The following BMP6 variants were observed in gnomAD, a reference collection of about 807,000 sequenced individuals.
BMP6 encodes the protein bone morphogenetic protein 6, also known as VG-1-R.
In BMP6, 17 loss-of-function variants were observed where a neutral mutation model predicts 54.1. The observed-to-expected ratio is 0.31, with a 90% CI of 0.22 to 0.47. The LOEUF is 0.47. BMP6 is among the 20% of genes least tolerant of loss of function. The probability of loss-of-function intolerance (pLI) is 1.00; values close to 1 mark genes in which losing one functional copy is unlikely to be tolerated. For missense variants in BMP6, 720 were observed against 690.4 expected, an observed-to-expected ratio of 1.04 and a Z score of -0.48; for synonymous variants, 328 against 291.2, an observed-to-expected ratio of 1.13 and a Z score of -1.28.
chr6:7,881,501 GAAGGA>G lies in BMP6; in HGVS notation c.*1162_*1166del, dbSNP rs922606774. On this transcript the variant is annotated 3_prime_UTR_variant, in exon 7 of 7. Transcript: ENST00000283147. The stretch of plus-strand genomic sequence containing the variant: ...TTTATATCTGTTTTGCTGTAACATT[GAAGGA>G]AAGACCAGACTTTTAAAAAAAAAGA... The G allele has an allele frequency of 8.5e-5, 13 of 152,192 alleles. No homozygotes were observed. The highest frequency in any genetic ancestry group is 4.2e-4 in the South Asian group (2 of 4,800). 9.4% of individuals were successfully genotyped at this position (152,192 alleles called of 1,614,324 possible).
At chr6:7,736,116 ATCTTTCTTTTT>A (rs2113109831) in intron 1 of BMP6, among the ~76,000 whole-genome samples, 1 of 152,346 alleles carries the variant, frequency 6.6e-6, no homozygotes, top group African/African-American at 2.4e-5. Flanking sequence ...TCCATCAGAA[ATCTTTCTTTTT>A]TCTTTCTTTG....
chr6:7,837,501 G>A (rs1244257209), intron 1 of BMP6, among the ~76,000 whole-genome samples: 1 of 152,194 alleles, frequency 6.6e-6, no homozygotes, highest in Non-Finnish European at 1.5e-5. Flanking sequence ...CTGCAACCTG[G>A]ATGGGGTTGG....
rs1759730123 is a variant in BMP6, at chr6:7,881,451, ATATAAAC to A, written c.*1114_*1120del. 1 of 152,662 alleles carries A rather than the reference ATATAAAC, an allele frequency of 6.6e-6. No homozygotes were observed. The highest frequency in any genetic ancestry group is 2.4e-5 in the African/African-American group (1 of 41,466). The allele number at this position is 152,662 out of a possible 1,614,324, so 9.5% of individuals were successfully genotyped here. On this transcript the variant is annotated 3_prime_UTR_variant, in exon 7 of 7. Coordinates refer to ENST00000283147, the MANE Select transcript of BMP6 (RefSeq NM_001718.6). ...TTTGCACTTACAGCTTTTTTTGTAA[ATATAAAC>A]TATAATTTATTGTCTATTTTATATC...
intron 1 of BMP6, among the ~76,000 whole-genome samples, chr6:7,766,032 A>G (rs1334706674): frequency 1.3e-5 from 2 of 152,170 alleles, no homozygotes; most frequent in African/African-American, 4.8e-5. Context: ...TTCCTGGAAG[A>G]TATTCACAGC....
At position 7,879,075 on chromosome 6, in the gene BMP6, T is replaced by C. The variant is rs774591705; in HGVS notation, c.1206T>C (p.Asp402=). 4 of 1,613,908 alleles carry C rather than the reference T, an allele frequency of 2.5e-6. No homozygotes were observed. Among genetic ancestry groups the C allele is most frequent in the Non-Finnish European group, 2.5e-6 (3 of 1,179,768 alleles). ...QDVARVSSAS[D]YNSSELKTAC... ...GCATCTTTTGATCTCCTCCAACAGA[T>C]TACAACAGCAGTGAATTGAAAACAG... Residue 402 remains aspartate, a splice_region_variant and synonymous_variant, in exon 5 of 7, where the codon GAT becomes GAC. Transcript: ENST00000283147.
intron 1 of BMP6, among the ~76,000 whole-genome samples, chr6:7,760,960 C>T (rs973986373): frequency 3.3e-5 from 5 of 152,214 alleles, no homozygotes; most frequent in South Asian, 2.1e-4. Flanking sequence ...TAAGCCATTA[C>T]GGACATTGTT....
At chr6:7,763,469 C>T (rs1391824467) in intron 1 of BMP6, among the ~76,000 whole-genome samples, 14 of 152,218 alleles carry the variant, frequency 9.2e-5, no homozygotes, top group African/African-American at 2.9e-4. Context: ...AACATCCCAT[C>T]GCCTTTTATG....
At chr6:7,731,876 C>T (rs967393928) in intron 1 of BMP6, among the ~76,000 whole-genome samples, 1 of 152,112 alleles carries the variant, frequency 6.6e-6, no homozygotes, top group Non-Finnish European at 1.5e-5. Flanking sequence ...TTTCAGATTT[C>T]ACTTGTTTAT....
At chr6:7,802,362 G>T (rs189707942) in intron 1 of BMP6, among the ~76,000 whole-genome samples, 18 of 152,308 alleles carry the variant, frequency 1.2e-4, no homozygotes, top group Middle Eastern at 6.8e-3. Context: ...TAATGAAACA[G>T]GTATGATCCC....
chr6:7,845,095 A>C (rs763891048), intron 1 of BMP6, 45 bp from the exon 2 acceptor site: 2 of 1,535,596 alleles, frequency 1.3e-6, no homozygotes, highest in Non-Finnish European at 1.8e-6. Flanking sequence ...CGTGGCACTT[A>C]GTCAAGTAAC....
At chr6:7,782,708 A>G (rs143937031) in intron 1 of BMP6, among the ~76,000 whole-genome samples, 59 of 152,292 alleles carry the variant, frequency 3.9e-4, no homozygotes, top group African/African-American at 1.3e-3. Context: ...ATCTCAAAAA[A>G]AGAAAAAAGA....
intron 1 of BMP6, among the ~76,000 whole-genome samples, chr6:7,742,932 A>G (rs1757291442): frequency 6.6e-6 from 1 of 152,104 alleles, no homozygotes; most frequent in African/African-American, 2.4e-5. Flanking sequence ...ATCCCACTTA[A>G]ATTTTGCACT....
chr6:7,826,071 C>T (rs1412824527), intron 1 of BMP6, among the ~76,000 whole-genome samples: 1 of 152,216 alleles, frequency 6.6e-6, no homozygotes, highest in Non-Finnish European at 1.5e-5. Context: ...GCTCCGGGTA[C>T]CCTGTGAGTT....
intron 1 of BMP6, among the ~76,000 whole-genome samples, chr6:7,770,875 C>T (rs1029708596): frequency 2.0e-5 from 3 of 152,188 alleles, no homozygotes; most frequent in Non-Finnish European, 2.9e-5. Flanking sequence ...GCCCAGGCCT[C>T]CCTTATTGAG....
chr6:7,800,082 GTGT>G (rs1561775710), intron 1 of BMP6, among the ~76,000 whole-genome samples: 474 of 38,096 alleles, frequency 0.012, 3 homozygotes, highest in African/African-American at 0.061. Flanking sequence ...AGGAAGGGGT[GTGT>G]GTGTGTGTGT....
rs1178380178 is a variant in BMP6 at position 7,856,619 on chromosome 6, C to T, written c.858-4832C>T. Among the ~76,000 whole-genome samples, 5 of 40,762 alleles carry T rather than the reference C, an allele frequency of 1.2e-4. No homozygotes were observed. In the Admixed American group the frequency reaches 1.3e-3, roughly 10 times the overall value. The allele number at this position is 40,762 out of a possible 152,430, so 26.7% of individuals were successfully genotyped here. A position where few individuals can be genotyped will look rare whatever the true frequency, so the allele number is the denominator to read the frequency against. ...CATTTTTTTTTTTTTTTTTTTGAGA[C>T]GGAGTCTCGCTCTGTCGCCCAGGCT... On this transcript the variant is annotated intron_variant, in intron 2 of 6. Transcript: ENST00000283147.
At position 7,828,049 on chromosome 6, in the gene BMP6, G is replaced by A. The variant is rs190381800; in HGVS notation, c.665-17091G>A. The stretch of plus-strand genomic sequence containing the variant: ...CCACTCTTTTTTAAGTTTCTTACAG[G>A]TGTTTTCTGTTTTTGTTTTGTTTTG... On this transcript the variant is annotated intron_variant, in intron 1 of 6. Coordinates refer to ENST00000283147, the MANE Select transcript of BMP6 (RefSeq NM_001718.6). Among the ~76,000 whole-genome samples, 74 of 152,318 alleles carry A rather than the reference G, an allele frequency of 4.9e-4. 1 individual carries two copies. The South Asian group carries it at 0.012, about 25-fold the overall frequency.
At chr6:7,745,395 T>C (rs1287187531) in intron 1 of BMP6, among the ~76,000 whole-genome samples, 1 of 152,150 alleles carries the variant, frequency 6.6e-6, no homozygotes, top group Non-Finnish European at 1.5e-5. Context: ...CACCCTAGCC[T>C]CCTGAGTAGC....
intron 1 of BMP6, among the ~76,000 whole-genome samples, chr6:7,772,072 C>A (rs1471268452): frequency 8.1e-4 from 120 of 148,206 alleles, no homozygotes; most frequent in African/African-American, 2.9e-3. Context: ...ACCAAAAAAA[C>A]AAAAAAAAAC....
Sources: allele counts gnomAD v4.1 joint callset (sites outside exome capture counted in the v4.1 genomes callset), GRCh38; gene constraint gnomAD v4.1.1; transcripts MANE v1.5; gene names NCBI Gene and HGNC (gene_info 2026-07-23, HGNC 2026-07-21).